SLC26A7: variants seen among roughly 807,000 people sequenced by gnomAD.
SLC26A7 encodes the protein solute carrier family 26 member 7.
SLC26A7 carries 59 observed loss-of-function variants against 82.5 expected under a neutral mutation model. The ratio of observed to expected loss-of-function variants is 0.72; its 90% CI spans 0.58 to 0.89. The LOEUF (loss-of-function observed/expected upper bound fraction) is 0.89, where lower values mean the gene tolerates loss of function less well. SLC26A7 is among the 40% of genes least tolerant of loss of function. The pLI, the probability that SLC26A7 is intolerant of heterozygous loss-of-function variation, is 0.00. For synonymous variants in SLC26A7, 271 were observed against 274.3 expected (o/e 0.99, Z 0.12); for missense variants, 820 against 793.0 (o/e 1.03, Z -0.41).
chr8:91,230,104 C>T lies in SLC26A7; in HGVS notation c.-34+11099C>T, dbSNP rs531658389. Among the ~76,000 whole-genome samples, 5 of 152,168 alleles carry T rather than the reference C, an allele frequency of 3.3e-5. No individual in the cohort carries two copies. The East Asian group carries it at 9.7e-4, about 29-fold the overall frequency. ...TTTTTTTCACTTAGTATAATGGTTT[C>T]AAGATTCATCCATATTGTTGCATAT... On this transcript the variant is annotated intron_variant, in intron 2 of 5. Coordinates refer to the SLC26A7 transcript ENST00000522862.
At position 91,352,886 on chromosome 8, in the gene SLC26A7, A is replaced by G. The variant is rs1563694254; in HGVS notation, c.1219-15A>G. ...TTTTATGTTGCTTCTTCTTCAACTT[A>G]CGTTTTATTTCTAGTGTGTCCTTGC... On this transcript the variant is annotated splice_polypyrimidine_tract_variant and intron_variant, in intron 10 of 18. Transcript: ENST00000276609. 2.5e-6 allele frequency: 4 copies of G among 1,577,306 alleles called. No homozygotes were observed. The African/African-American group carries it at 4.1e-5, about 16-fold the overall frequency.
At chr8:91,316,176 T>C (rs1470203844) in intron 4 of SLC26A7, among the ~76,000 whole-genome samples, 1 of 152,224 alleles carries the variant, frequency 6.6e-6, no homozygotes, top group East Asian at 1.9e-4. Context: ...GATATCACTT[T>C]ATATTTCTCA....
chr8:91,311,314 C>T (rs1210859165), intron 4 of SLC26A7, among the ~76,000 whole-genome samples: 3 of 152,076 alleles, frequency 2.0e-5, no homozygotes, highest in African/African-American at 7.2e-5. Flanking sequence ...AAAGGCAGAA[C>T]TTATAAAGTC....
intron 2 of SLC26A7, among the ~76,000 whole-genome samples, chr8:91,234,146 G>A (rs2130677142): frequency 6.6e-6 from 1 of 152,172 alleles, no homozygotes; most frequent in African/African-American, 2.4e-5. Context: ...GAAAGTTCTG[G>A]TATCTGTTTT....
At chr8:91,273,672 C>T (rs1358297244) in intron 2 of SLC26A7, among the ~76,000 whole-genome samples, 1 of 152,048 alleles carries the variant, frequency 6.6e-6, no homozygotes, top group East Asian at 1.9e-4. Flanking sequence ...AACCAAATAA[C>T]TTCGTGACTT....
intron 2 of SLC26A7, among the ~76,000 whole-genome samples, chr8:91,241,395 T>C (rs1810472043): frequency 1.3e-5 from 2 of 152,166 alleles, no homozygotes; most frequent in South Asian, 4.1e-4. Flanking sequence ...CTTTATCTTT[T>C]AAAACACTTT....
chr8:91,327,178 G>A (rs2130820591), intron 5 of SLC26A7, among the ~76,000 whole-genome samples: 1 of 152,274 alleles, frequency 6.6e-6, no homozygotes, highest in South Asian at 2.1e-4. Context: ...CATGTATGGT[G>A]AGGAGGTTTT....
chr8:91,373,468 T>G (rs2130884618), intron 15 of SLC26A7, among the ~76,000 whole-genome samples: 1 of 152,028 alleles, frequency 6.6e-6, no homozygotes, highest in South Asian at 2.1e-4. Flanking sequence ...TTTTCTGAAT[T>G]TATTAAGATA....
Position 91,327,321 on chromosome 8 carries a change from C to T in SLC26A7, c.643-6974C>T, listed in dbSNP as rs186012131. On this transcript the variant is annotated intron_variant, in intron 5 of 18. Transcript: ENST00000276609. ...TTTCAGGGCCGTGACTACCACTGAG[C>T]GCTCTGTGTTGTGAGATGAGGCTTC... 4.6e-4 allele frequency among the ~76,000 whole-genome samples: 70 copies of T among 152,132 alleles called. No individual in the cohort carries two copies. In the South Asian group the frequency reaches 5.0e-3, roughly 11 times the overall value.
upstream of SLC26A7, among the ~76,000 whole-genome samples, chr8:91,247,057 T>A (rs1283164661): frequency 1.3e-4 from 20 of 152,138 alleles, no homozygotes; most frequent in Admixed American, 1.3e-3. Flanking sequence ...GAGAAGCTAG[T>A]GAGTAGAAGG....
intron 14 of SLC26A7, among the ~76,000 whole-genome samples, chr8:91,368,272 T>C (rs1814250454): frequency 6.6e-6 from 1 of 152,194 alleles, no homozygotes; most frequent in South Asian, 2.1e-4. Context: ...GATTCCATTG[T>C]CTCTATTCTG....
chr8:91,322,290 A>G lies in SLC26A7; in HGVS notation c.642+3910A>G, dbSNP rs112564556. Among the ~76,000 whole-genome samples, 224 of 152,202 alleles carry G rather than the reference A, an allele frequency of 1.5e-3. 2 individuals are homozygous for G. Among genetic ancestry groups the G allele is most frequent in the African/African-American group, 5.3e-3 (221 of 41,538 alleles). On this transcript the variant is annotated intron_variant, in intron 5 of 18. Coordinates refer to ENST00000276609, the MANE Select transcript of SLC26A7 (RefSeq NM_052832.4). ...ATTTATAAAGGTTTTCAACAGTTCAACTCAAATCTCCCTCAGCAGTTATAA... is the reference window on the plus strand; with the variant it reads ...ATTTATAAAGGTTTTCAACAGTTCAGCTCAAATCTCCCTCAGCAGTTATAA...
chr8:91,371,212 G>A (rs1356367512), intron 15 of SLC26A7, among the ~76,000 whole-genome samples: 1 of 151,774 alleles, frequency 6.6e-6, no homozygotes, highest in East Asian at 1.9e-4. Flanking sequence ...GGTGAAAACT[G>A]GATTTTTTAA....
intron 2 of SLC26A7, among the ~76,000 whole-genome samples, chr8:91,252,155 T>A (rs10110827): frequency 0.76 from 115,918 of 151,994 alleles, 45,378 homozygotes; most frequent in African/African-American, 0.92. Flanking sequence ...CCCATTTTTG[T>A]AGCAGCTTTT....
In SLC26A7 at chr8:91,238,962, G is replaced by GT. The variant is rs1428549041; in HGVS notation, c.-33-10656dup. On this transcript the variant is annotated intron_variant, in intron 2 of 5. Transcript: ENST00000522862. ...TGGACATCTATAAGGATTGATAGGC[G>GT]TAAGTACTATGTGCTACTAAGCATA... 2.6e-5 allele frequency among the ~76,000 whole-genome samples: 4 copies of GT among 152,264 alleles called. No individual in the cohort carries two copies. The South Asian group carries it at 8.3e-4, about 32-fold the overall frequency.
chr8:91,212,348 CAGA>C (rs1809944718), intron 1 of SLC26A7, among the ~76,000 whole-genome samples: 1 of 152,006 alleles, frequency 6.6e-6, no homozygotes, highest in Admixed American at 6.6e-5. Context: ...AACATTTCCC[CAGA>C]TTCCTTTAAA....
At chr8:91,298,277 C>G (rs773949703) in intron 4 of SLC26A7, among the ~76,000 whole-genome samples, 174 of 152,302 alleles carry the variant, frequency 1.1e-3, no homozygotes, top group Non-Finnish European at 2.1e-3. Context: ...ACACACAACT[C>G]TTTCTCCACT....
chr8:91,228,183 G>A (rs1057398014), intron 2 of SLC26A7, among the ~76,000 whole-genome samples: 9 of 152,254 alleles, frequency 5.9e-5, no homozygotes, highest in Admixed American at 2.6e-4. Flanking sequence ...AGGGGCCAGA[G>A]AAATCACCTG....
Position 91,353,752 on chromosome 8 carries a change from G to A in SLC26A7, c.1314+756G>A, listed in dbSNP as rs568445321. On this transcript the variant is annotated intron_variant, in intron 11 of 18. Transcript: ENST00000276609. ...TGAGAGGTTTTGGGATATTATTTAT[G>A]CTGGTGCCTACTTTTGTAATATTCC... 2.1e-4 allele frequency among the ~76,000 whole-genome samples: 32 copies of A among 152,118 alleles called. 1 individual carries two copies. The South Asian group carries it at 2.3e-3, about 11-fold the overall frequency.
Sources: allele counts gnomAD v4.1 joint callset (sites outside exome capture counted in the v4.1 genomes callset), GRCh38; gene constraint gnomAD v4.1.1; transcripts MANE v1.5; gene names NCBI Gene and HGNC (gene_info 2026-07-23, HGNC 2026-07-21).